Variants in DNAH11 observed in about 807,000 individuals in gnomAD.
The protein encoded by DNAH11 is axonemal beta dynein heavy chain 11.
A neutral mutation model predicts 526.0 loss-of-function variants in DNAH11; 442 were observed. That is an observed-to-expected ratio of 0.84 (90% confidence interval 0.78 to 0.91). The LOEUF (loss-of-function observed/expected upper bound fraction) is 0.91. DNAH11 is among the 40% of genes least tolerant of loss of function. The pLI is 0.00. For synonymous variants in DNAH11, 2,461 were observed against 1,935.9 expected, an observed-to-expected ratio of 1.27 and a Z score of -7.12; for missense variants, 6,989 against 5,448.7, an observed-to-expected ratio of 1.28 and a Z score of -8.90.
At chr7:21,573,307 T>G (rs1783965060) in intron 8 of DNAH11, among the ~76,000 whole-genome samples, 1 of 152,158 alleles carries the variant, frequency 6.6e-6, no homozygotes, top group African/African-American at 2.4e-5. Context: ...ATTTTGCAGA[T>G]AAGGTGGGCA....
chr7:21,618,700 T>A (rs1785899934), intron 23 of DNAH11, among the ~76,000 whole-genome samples: 1 of 152,182 alleles, frequency 6.6e-6, no homozygotes, highest in Admixed American at 6.5e-5. Context: ...GGAATTATGT[T>A]CAGTGAATAG....
rs1439714025 is a variant in DNAH11 at position 21,816,558 on chromosome 7, G to C, written c.10424G>C (p.Ser3475Thr). ...GCCTGGAATAACGAAGGACTGCCCA[G>C]TGACAGAATGTCCACCGAAAATGCC... ...IAAWNNEGLP[S>T]DRMSTENAAI... The change falls in exon 64 of 82, where the codon AGT (serine) becomes ACT (threonine). Residue 3475 changes from serine to threonine, a missense_variant. Coordinates refer to ENST00000409508, the MANE Select transcript of DNAH11 (RefSeq NM_001277115.2). 6.2e-7 allele frequency: 1 copy of C among 1,613,308 alleles called. No individual in the cohort carries two copies. The highest frequency in any genetic ancestry group is 8.5e-7 in the Non-Finnish European group (1 of 1,179,702).
chr7:21,655,965 G>A lies in DNAH11; in HGVS notation c.5078G>A (p.Cys1693Tyr). Residue 1693 changes from cysteine to tyrosine, a missense_variant, in exon 29 of 82, where the codon TGT becomes TAT. Cys to Tyr is a radical substitution (Grantham distance 194). Coordinates refer to ENST00000409508, the MANE Select transcript of DNAH11 (RefSeq NM_001277115.2). ...EKEYVPFQAE[C>Y]ECVGHVETWL... Reference sequence around the variant, plus strand: ...GAGTATGTCCCATTCCAAGCCGAGTGTGAATGTGTGGGCCATGTAAGATTT... The same window carrying A: ...GAGTATGTCCCATTCCAAGCCGAGTATGAATGTGTGGGCCATGTAAGATTT... 1 of 1,604,244 alleles carries A rather than the reference G, an allele frequency of 6.2e-7. No homozygotes were observed. Among genetic ancestry groups the A allele is most frequent in the African/African-American group, 1.3e-5 (1 of 74,778 alleles).
chr7:21,674,343 A>G (rs1782775220), intron 30 of DNAH11, among the ~76,000 whole-genome samples: 1 of 151,952 alleles, frequency 6.6e-6, no homozygotes, highest in South Asian at 2.1e-4. Flanking sequence ...GATGTGAGCC[A>G]CTGCGCCTGG....
Position 21,743,636 on chromosome 7 carries a change from G to A in DNAH11, c.8155-802G>A, listed in dbSNP as rs140923531. 4.7e-4 allele frequency among the ~76,000 whole-genome samples: 72 copies of A among 152,244 alleles called. No homozygotes were observed. The East Asian group carries it at 0.013, about 28-fold the overall frequency. ...TTAGGCAGTAGCTTCTTATGAACAC[G>A]GAGCAATTCTTTTCGTGTCTGTGTA... On this transcript the variant is annotated intron_variant, in intron 49 of 81. Transcript: ENST00000409508.
At chr7:21,645,021 C>T (rs1333960231) in intron 28 of DNAH11, among the ~76,000 whole-genome samples, 2 of 152,278 alleles carry the variant, frequency 1.3e-5, no homozygotes, top group East Asian at 3.9e-4. Flanking sequence ...GCATTGTATT[C>T]TATTGTAGCC....
intron 65 of DNAH11, among the ~76,000 whole-genome samples, chr7:21,822,372 A>C (rs1790092960): frequency 6.6e-6 from 1 of 152,060 alleles, no homozygotes; most frequent in East Asian, 1.9e-4. Context: ...TTTCAAGGTA[A>C]CTCATTCCCA....
chr7:21,845,328 T>C (rs1782378522), intron 66 of DNAH11, among the ~76,000 whole-genome samples: 1 of 152,238 alleles, frequency 6.6e-6, no homozygotes, highest in South Asian at 2.1e-4. Context: ...CTCTTAGGAG[T>C]TGTGTAGTTT....
chr7:21,616,146 T>C lies in DNAH11; in HGVS notation c.4012-63T>C, dbSNP rs1009507912. The C allele has an allele frequency of 1.1e-5, 14 of 1,222,770 alleles. No homozygotes were observed. In the African/African-American group the frequency reaches 1.6e-4, roughly 14 times the overall value. The allele number at this position is 1,222,770 out of a possible 1,614,324, so 75.7% of individuals were successfully genotyped here. A position where few individuals can be genotyped will look rare whatever the true frequency, so the allele number is the denominator to read the frequency against. ...ACAGTGTATCATCAGTTTATATATTTTGCTGCAGAGACTTGCTTTCACCAA... is the reference window on the plus strand; with the variant it reads ...ACAGTGTATCATCAGTTTATATATTCTGCTGCAGAGACTTGCTTTCACCAA... On this transcript the variant is annotated intron_variant, in intron 21 of 81. Transcript: ENST00000409508.
intron 45 of DNAH11, among the ~76,000 whole-genome samples, chr7:21,731,717 A>G (rs1785395540): frequency 6.6e-6 from 1 of 152,234 alleles, no homozygotes; most frequent in Non-Finnish European, 1.5e-5. Context: ...TAAGCAATTT[A>G]TAAGTTAAAT....
Position 21,894,941 on chromosome 7 carries a change from A to G in DNAH11, c.12991A>G (p.Thr4331Ala). 6 of 1,613,952 alleles carry G rather than the reference A, an allele frequency of 3.7e-6. No homozygotes were observed. The highest frequency in any genetic ancestry group is 4.2e-6 in the Non-Finnish European group (5 of 1,179,870). The change falls in exon 79 of 82, where the codon ACG becomes GCG. Residue 4331 changes from threonine (T) to alanine (A), a missense_variant. Physicochemically the swap from Thr to Ala is moderately conservative, Grantham distance 58. Coordinates refer to ENST00000409508, the MANE Select transcript of DNAH11 (RefSeq NM_001277115.2). ...CCAGCAGTTTGCATTGAGTTATGAC[A>G]CGGTACCAGACACTTGGAGCAAACT... is the stretch of plus-strand genomic sequence containing the variant. The part of the protein sequence containing the change: ...EAQQFALSYD[T>A]VPDTWSKLAY...
At chr7:21,705,391 A>G in intron 38 of DNAH11, 69 bp from the exon 39 acceptor site, 8 of 1,555,276 alleles carry the variant, frequency 5.1e-6, no homozygotes, top group Middle Eastern at 1.7e-4. Context: ...GAATTGGGCA[A>G]AAATGGTAGA....
chr7:21,728,420 G>A (rs974341260), intron 45 of DNAH11, among the ~76,000 whole-genome samples: 3 of 151,410 alleles, frequency 2.0e-5, no homozygotes, highest in African/African-American at 4.9e-5. Context: ...CACCATGCCC[G>A]GCTAATTTTT....
intron 54 of DNAH11, among the ~76,000 whole-genome samples, chr7:21,763,340 A>AT (rs1787008780): frequency 2.0e-5 from 1 of 51,152 alleles, no homozygotes; most frequent in Non-Finnish European, 4.9e-5. Context: ...AGACTGTCTC[A>AT]AAAAAAAAAA....
At chr7:21,607,109 A>G (rs2128449162) in intron 20 of DNAH11, among the ~76,000 whole-genome samples, 1 of 152,308 alleles carries the variant, frequency 6.6e-6, no homozygotes, top group Admixed American at 6.5e-5. Context: ...TAGGGGAGCC[A>G]GCATTGCGGC....
At chr7:21,651,313 AAT>A (rs1307867130) in intron 28 of DNAH11, among the ~76,000 whole-genome samples, 5 of 152,096 alleles carry the variant, frequency 3.3e-5, no homozygotes, top group African/African-American at 1.2e-4. Flanking sequence ...ATGGTTTGAG[AAT>A]ATAATTGTAA....
Position 21,599,878 on chromosome 7 carries a change from T to A in DNAH11, c.2759T>A (p.Phe920Tyr). 1 of 1,611,548 alleles carries A rather than the reference T, an allele frequency of 6.2e-7. No homozygotes were observed. The highest frequency in any genetic ancestry group is 8.5e-7 in the Non-Finnish European group (1 of 1,178,318). ...GACGACATTGTGGTGGAAGGCTTTT[T>A]TCAGGCTATAATGCACGACTTAGAC... is the stretch of plus-strand genomic sequence containing the variant. ...FIDDIVVEGF[F>Y]QAIMHDLDFF... Residue 920 changes from phenylalanine to tyrosine, a missense_variant, in exon 15 of 82, where the codon TTT becomes TAT. Transcript: ENST00000409508.
intron 26 of DNAH11, among the ~76,000 whole-genome samples, chr7:21,636,532 C>T (rs1359175746): frequency 6.6e-6 from 1 of 151,858 alleles, no homozygotes; most frequent in Non-Finnish European, 1.5e-5. Context: ...GCCAGGAGTT[C>T]GAGACAAGCC....
At chr7:21,827,449 T>C (rs1181018648) in intron 65 of DNAH11, among the ~76,000 whole-genome samples, 1 of 151,594 alleles carries the variant, frequency 6.6e-6, no homozygotes, top group Non-Finnish European at 1.5e-5. Flanking sequence ...AATATTATTA[T>C]AATTTTTGAA....
Sources: gnomAD v4.1 joint callset for allele counts (sites outside exome capture counted in the v4.1 genomes callset) on GRCh38, gnomAD v4.1.1 for gene constraint, MANE v1.5 for transcripts, NCBI Gene and HGNC (gene_info 2026-07-23, HGNC 2026-07-21) for gene names.